The following CSMD1 variants were observed in gnomAD, a reference collection of about 807,000 sequenced individuals.
CSMD1 encodes the protein CUB and sushi domain-containing protein 1.
Under a neutral mutation model 417.5 loss-of-function variants are expected in CSMD1, and 213 were observed. That is an observed-to-expected ratio of 0.51 (90% CI 0.46 to 0.57). The LOEUF (loss-of-function observed/expected upper bound fraction) is 0.57. Among genes scored for constraint, CSMD1 ranks in the 20% least tolerant of loss-of-function variants. The pLI is 0.00. For synonymous variants in CSMD1, 2,862 were observed against 1,736.8 expected (o/e 1.65, Z -16.11); for missense variants, 6,923 against 4,529.7 (o/e 1.53, Z -15.17).
intron 5 of CSMD1, among the ~76,000 whole-genome samples, chr8:3,862,545 G>C (rs1229525232): frequency 6.6e-6 from 1 of 152,084 alleles, no homozygotes; most frequent in Admixed American, 6.5e-5. Flanking sequence ...CCTTTTCTTT[G>C]AGATTTTCAG....
intron 2 of CSMD1, among the ~76,000 whole-genome samples, chr8:4,465,592 G>T (rs116956296): frequency 6.6e-6 from 1 of 152,182 alleles, no homozygotes; most frequent in Non-Finnish European, 1.5e-5. Flanking sequence ...AGGCCACTTA[G>T]AAGTCAGACG....
intron 2 of CSMD1, among the ~76,000 whole-genome samples, chr8:4,535,721 A>G (rs78053024): frequency 0.065 from 9,951 of 152,226 alleles, 585 homozygotes; most frequent in Admixed American, 0.15. Context: ...TTTGGAGACA[A>G]TAATCTAAAT....
At chr8:3,475,314 C>G (rs1817343156) in intron 11 of CSMD1, among the ~76,000 whole-genome samples, 1 of 152,146 alleles carries the variant, frequency 6.6e-6, no homozygotes, top group South Asian at 2.1e-4. Context: ...CTCTTGGCCA[C>G]TTTATCCCTA....
chr8:4,920,514 C>A (rs1159050685), intron 1 of CSMD1, among the ~76,000 whole-genome samples: 1 of 152,198 alleles, frequency 6.6e-6, no homozygotes, highest in South Asian at 2.1e-4. Flanking sequence ...TTACTGGGGA[C>A]CTGTCCTCAG....
chr8:4,822,397 T>G (rs114571072), intron 1 of CSMD1, among the ~76,000 whole-genome samples: 2,055 of 152,154 alleles, frequency 0.014, 39 homozygotes, highest in African/African-American at 0.047. Context: ...CTGGCCTAGT[T>G]TGATGATTTT....
At chr8:4,952,547 T>G (rs763236335) in intron 1 of CSMD1, among the ~76,000 whole-genome samples, 8 of 152,128 alleles carry the variant, frequency 5.3e-5, no homozygotes, top group Non-Finnish European at 1.0e-4. Context: ...TACTTTAATA[T>G]GATTTTTAAA....
At chr8:3,589,633 A>T (rs1217708446) in intron 8 of CSMD1, among the ~76,000 whole-genome samples, 5 of 152,114 alleles carry the variant, frequency 3.3e-5, no homozygotes, top group Non-Finnish European at 5.9e-5. Flanking sequence ...GAGAGGAAAC[A>T]AATAATACAA....
intron 3 of CSMD1, among the ~76,000 whole-genome samples, chr8:4,147,589 A>G (rs1329445429): frequency 1.3e-5 from 2 of 152,138 alleles, no homozygotes; most frequent in Admixed American, 1.3e-4. Flanking sequence ...TGACCCTAAT[A>G]AATAATATCG....
intron 5 of CSMD1, among the ~76,000 whole-genome samples, chr8:3,955,950 C>A (rs1043520883): frequency 2.6e-5 from 4 of 152,166 alleles, no homozygotes; most frequent in Admixed American, 1.3e-4. Context: ...CCCAACACCA[C>A]GCCCAACTAA....
At chr8:4,405,046 A>G (rs1473247840) in intron 3 of CSMD1, among the ~76,000 whole-genome samples, 1 of 152,242 alleles carries the variant, frequency 6.6e-6, no homozygotes, top group Non-Finnish European at 1.5e-5. Flanking sequence ...TGTCGTGACT[A>G]TGCTGGACAC....
intron 23 of CSMD1, among the ~76,000 whole-genome samples, chr8:3,319,512 C>G (rs1435694253): frequency 3.3e-5 from 5 of 151,994 alleles, no homozygotes; most frequent in African/African-American, 7.3e-5. Context: ...CCAATATATC[C>G]CAAATACCAT....
At chr8:3,670,400 C>T (rs1262860937) in intron 7 of CSMD1, among the ~76,000 whole-genome samples, 1 of 151,016 alleles carries the variant, frequency 6.6e-6, no homozygotes, top group Non-Finnish European at 1.5e-5. Flanking sequence ...ATTGTCGGAC[C>T]TTGTGAACAT....
chr8:4,035,585 T>G (rs571452789), intron 3 of CSMD1, among the ~76,000 whole-genome samples: 1 of 152,192 alleles, frequency 6.6e-6, no homozygotes, highest in African/African-American at 2.4e-5. Flanking sequence ...TGTGTTTGAG[T>G]CTTAATTTTT....
At position 4,168,112 on chromosome 8, in the gene CSMD1, G is replaced by C. The variant is rs1797556996; in HGVS notation, c.416-136013C>G. On this transcript the variant is annotated intron_variant, in intron 3 of 69. Transcript: ENST00000635120. ...CCACTGCTCTCCAGCTTGGGAAAGA[G>C]AGCAAGGCTCTGTCTCAAAAATAAA... Among the ~76,000 whole-genome samples the C allele has an allele frequency of 2.6e-5, 4 of 151,548 alleles. No homozygotes were observed. The South Asian group carries it at 8.3e-4, about 31-fold the overall frequency.
At chr8:3,413,529 G>C (rs1020056457) in intron 12 of CSMD1, among the ~76,000 whole-genome samples, 1 of 152,196 alleles carries the variant, frequency 6.6e-6, no homozygotes, top group African/African-American at 2.4e-5. Flanking sequence ...AAACTCAGTA[G>C]GTTTGTGTGT....
intron 7 of CSMD1, among the ~76,000 whole-genome samples, chr8:3,650,876 C>T (rs943095643): frequency 2.0e-5 from 3 of 152,102 alleles, no homozygotes; most frequent in Non-Finnish European, 4.4e-5. Flanking sequence ...GACTATGTAA[C>T]ATCTCTTCTG....
intron 41 of CSMD1, among the ~76,000 whole-genome samples, chr8:3,136,905 AT>A (rs1295763436): frequency 2.0e-5 from 3 of 148,584 alleles, no homozygotes; most frequent in East Asian, 1.9e-4. Context: ...TTTTTTAAAA[AT>A]TTTTTTCTAT....
At chr8:3,862,998 G>A (rs1302595394) in intron 5 of CSMD1, among the ~76,000 whole-genome samples, 2 of 152,156 alleles carry the variant, frequency 1.3e-5, no homozygotes, top group Non-Finnish European at 2.9e-5. Context: ...GGTACCAACA[G>A]ATTTGGTATC....
At position 4,201,750 on chromosome 8, in the gene CSMD1, G is replaced by A. The variant is rs539121650; in HGVS notation, c.416-169651C>T. ...TGAAAAACATGATGATTGGATACAT[G>A]GACTCTTGAGAGTCTATGAAGGGAG... On this transcript the variant is annotated intron_variant, in intron 3 of 69. Transcript: ENST00000635120. 9.5e-4 allele frequency among the ~76,000 whole-genome samples: 145 copies of A among 152,024 alleles called. 1 individual carries two copies. Among genetic ancestry groups the A allele is most frequent in the African/African-American group, 3.2e-3 (133 of 41,462 alleles).
Sources: allele counts gnomAD v4.1 joint callset (sites outside exome capture counted in the v4.1 genomes callset), GRCh38; gene constraint gnomAD v4.1.1; transcripts MANE v1.5; gene names NCBI Gene and HGNC (gene_info 2026-07-23, HGNC 2026-07-21).